Variants in TBC1D16 observed in about 807,000 individuals in gnomAD.
TBC1D16 encodes the protein CTD-2529O21.1.
In TBC1D16, 58 loss-of-function variants were observed where a neutral mutation model predicts 74.7. That is an observed-to-expected ratio of 0.78 (90% CI 0.63 to 0.97). The LOEUF (loss-of-function observed/expected upper bound fraction) is 0.97, where lower values mean the gene tolerates loss of function less well. Ranked by LOEUF, TBC1D16 falls within the 50% of genes least tolerant of loss-of-function variation. TBC1D16 has a pLI of 0.00. For synonymous variants in TBC1D16, 493 were observed against 474.7 expected (o/e 1.04, Z -0.50); for missense variants, 1,014 against 1,079.5 (o/e 0.94, Z 0.85).
chr17:79,950,810 C>A lies in TBC1D16; in HGVS notation c.1090-232G>T. 2.6e-6 allele frequency: 4 copies of A among 1,535,420 alleles called. No homozygotes were observed. The highest frequency in any genetic ancestry group is 3.5e-6 in the Non-Finnish European group (4 of 1,146,460). ...GCTCTCTCCTCCCCGGCCCACTGTG[C>A]CGCCGCCCCCCACTCTCTCCAACCC... On this transcript the variant is annotated intron_variant, in intron 5 of 11. Coordinates refer to ENST00000310924, the MANE Select transcript of TBC1D16 (RefSeq NM_019020.4). This position sits in a 1 kb window ranked among gnomAD's most constrained non-coding sequence, Gnocchi z 4.6.
In TBC1D16 at chr17:80,001,774, C is replaced by T. The variant is rs2035494347; in HGVS notation, c.779+8386G>A. On this transcript the variant is annotated intron_variant, in intron 3 of 11. Coordinates refer to ENST00000310924, the MANE Select transcript of TBC1D16 (RefSeq NM_019020.4). This position sits in a 1 kb window ranked among gnomAD's most constrained non-coding sequence, Gnocchi z 5.8. ...TGGCCCCTAAGACACGCACGGCCCA[C>T]CCTCCCCACTCACCCCTTGCCCCCT... 6.6e-6 allele frequency among the ~76,000 whole-genome samples: 1 copy of T among 151,354 alleles called. No individual in the cohort carries two copies. The highest frequency in any genetic ancestry group is 2.1e-4 in the South Asian group (1 of 4,808).
intron 3 of TBC1D16, among the ~76,000 whole-genome samples, chr17:79,996,938 G>A (rs2035294035): frequency 6.6e-6 from 1 of 152,170 alleles, no homozygotes; most frequent in South Asian, 2.1e-4. Flanking sequence ...ACCGTGGGGT[G>A]CTGCTACTCA....
chr17:79,946,841 G>C (rs2032584256), intron 9 of TBC1D16, among the ~76,000 whole-genome samples: 1 of 152,232 alleles, frequency 6.6e-6, no homozygotes. Context: ...TGTCCCCGGT[G>C]CAGGAGCCCT....
At position 79,940,154 on chromosome 17, in the gene TBC1D16, A is replaced by G. The variant is rs571785968; in HGVS notation, c.*705T>C. The G allele has an allele frequency of 2.0e-5, 3 of 152,308 alleles. No individual in the cohort carries two copies. Among genetic ancestry groups the G allele is most frequent in the Admixed American group, 2.0e-4 (3 of 15,310 alleles). The allele number at this position is 152,308 out of a possible 1,614,324, so 9.4% of individuals were successfully genotyped here. ...CAGCCTGAGGCTCAGGCTCCTGGGC[A>G]GACAGTTCCCTTCGTGTACCAGGAG... On this transcript the variant is annotated 3_prime_UTR_variant, in exon 12 of 12. Coordinates refer to ENST00000310924, the MANE Select transcript of TBC1D16 (RefSeq NM_019020.4). This position sits in a 1 kb window ranked among gnomAD's most constrained non-coding sequence, Gnocchi z 5.4.
intron 1 of TBC1D16, among the ~76,000 whole-genome samples, chr17:80,023,723 C>A (rs937842528): frequency 4.7e-5 from 7 of 149,812 alleles, no homozygotes; most frequent in Admixed American, 4.6e-4. Context: ...CCTGGCCCCG[C>A]TGTGGGCTTC....
chr17:80,034,135 T>G (rs149251809), intron 1 of TBC1D16, among the ~76,000 whole-genome samples: 36 of 152,174 alleles, frequency 2.4e-4, no homozygotes, highest in African/African-American at 8.7e-4. Flanking sequence ...AATTAGGAAC[T>G]ACTAACGCAA....
At chr17:80,031,915 A>G (rs2036789290) in intron 1 of TBC1D16, among the ~76,000 whole-genome samples, 2 of 152,350 alleles carry the variant, frequency 1.3e-5, no homozygotes, top group Middle Eastern at 3.4e-3. Flanking sequence ...CAGTGAATGC[A>G]CCGCAAAACA....
Position 80,010,487 on chromosome 17 carries a change from C to T in TBC1D16, c.452G>A (p.Arg151His), listed in dbSNP as rs151272383. 819 of 1,610,088 alleles carry T rather than the reference C, an allele frequency of 5.1e-4. No homozygotes were observed. The highest frequency in any genetic ancestry group is 6.8e-4 in the Non-Finnish European group (797 of 1,178,470). Residue 151 changes from arginine (R) to histidine (H), a missense_variant, in exon 3 of 12, where the codon CGC (arginine) becomes CAC (histidine). Transcript: ENST00000310924. The surrounding 1 kb of genome is among the most constrained non-coding windows in gnomAD (Gnocchi z 8.8). ...ILVVAQSVPD[R>H]MLASPAPEDE... is the part of the protein sequence containing the mutation. ...CTCTGGCGCAGGGCTGGCGAGCATG[C>T]GGTCTGGAACACTCTGGGCCACCAC... is the stretch of plus-strand genomic sequence containing the variant.
At chr17:80,023,665 C>T (rs151096975) in intron 1 of TBC1D16, among the ~76,000 whole-genome samples, 1 of 142,754 alleles carries the variant, frequency 7.0e-6, no homozygotes, top group Non-Finnish European at 1.5e-5. Flanking sequence ...GGGCCCCCCC[C>T]CACCGGCTCA....
At chr17:79,953,915 C>T (rs991743938) in intron 3 of TBC1D16, among the ~76,000 whole-genome samples, 11 of 152,066 alleles carry the variant, frequency 7.2e-5, no homozygotes, top group Admixed American at 3.9e-4. Flanking sequence ...AGATTACAGA[C>T]GTCCACCACC....
Position 80,009,385 on chromosome 17 carries a change from C to T in TBC1D16, c.779+775G>A, listed in dbSNP as rs1252902193. 6.6e-6 allele frequency among the ~76,000 whole-genome samples: 1 copy of T among 152,222 alleles called. No individual in the cohort carries two copies. Among genetic ancestry groups the T allele is most frequent in the Non-Finnish European group, 1.5e-5 (1 of 68,032 alleles). On this transcript the variant is annotated intron_variant, in intron 3 of 11. Transcript: ENST00000310924. This position sits in a 1 kb window ranked among gnomAD's most constrained non-coding sequence, Gnocchi z 5.4. ...GCTTATGCGACCACACGGGCACTCA[C>T]CCCAAGGCCATGAGGGCCCTCGTGG... is the stretch of plus-strand genomic sequence containing the variant.
intron 3 of TBC1D16, among the ~76,000 whole-genome samples, chr17:79,959,149 C>CA (rs990408561): frequency 1.3e-5 from 2 of 151,962 alleles, no homozygotes; most frequent in Non-Finnish European, 2.9e-5. Flanking sequence ...TTTATAGTAG[C>CA]AAAAAAATCC....
At chr17:79,974,992 C>T (rs935200) in intron 3 of TBC1D16, among the ~76,000 whole-genome samples, 59,891 of 152,030 alleles carry the variant, frequency 0.39, 12,042 homozygotes, top group Admixed American at 0.52. Context: ...GGGCCACCCC[C>T]GCAGCCACTG....
chr17:79,949,239 C>T (rs895020357), intron 7 of TBC1D16, among the ~76,000 whole-genome samples: 5 of 152,256 alleles, frequency 3.3e-5, no homozygotes, highest in African/African-American at 1.2e-4. Flanking sequence ...GGAAGGAGAG[C>T]AAGTTGCAGC....
chr17:79,948,132 GAA>G (rs2032716231), intron 8 of TBC1D16, among the ~76,000 whole-genome samples: 1 of 152,188 alleles, frequency 6.6e-6, no homozygotes, highest in Non-Finnish European at 1.5e-5. Context: ...CCAACATGGT[GAA>G]ACCCTGTCTC....
chr17:79,971,636 C>T lies in TBC1D16; in HGVS notation c.780-18818G>A, dbSNP rs74000312. On this transcript the variant is annotated intron_variant, in intron 3 of 11. Transcript: ENST00000310924. The surrounding 1 kb of genome is among the most constrained non-coding windows in gnomAD (Gnocchi z 4.6). ...GTCTTTAACGTATTCTTCAACTTGA[C>T]TCATAAAAGTAGAGTCAATCACTCT... Among the ~76,000 whole-genome samples, 9,728 of 152,242 alleles carry T rather than the reference C, an allele frequency of 0.064. 354 individuals are homozygous for T. Among genetic ancestry groups the T allele is most frequent in the South Asian group, 0.11 (527 of 4,826 alleles).
At chr17:80,025,378 C>G (rs1377768042) in intron 1 of TBC1D16, among the ~76,000 whole-genome samples, 1 of 150,092 alleles carries the variant, frequency 6.7e-6, no homozygotes, top group Non-Finnish European at 1.5e-5. Flanking sequence ...ACCCAGCCCC[C>G]ATGCTGGTCT....
intron 9 of TBC1D16, among the ~76,000 whole-genome samples, chr17:79,945,665 G>A (rs548301786): frequency 3.5e-4 from 54 of 152,336 alleles, no homozygotes; most frequent in African/African-American, 1.2e-3. Flanking sequence ...CATCAATGCC[G>A]CTGGAAAATC....
Position 79,933,855 on chromosome 17 carries a change from G to GGT in TBC1D16, c.*7002_*7003dup, listed in dbSNP as rs1390941312. On this transcript the variant is annotated 3_prime_UTR_variant, in exon 12 of 12. Coordinates refer to ENST00000310924, the MANE Select transcript of TBC1D16 (RefSeq NM_019020.4). ...CCTTGCTTCCCTAGAGCGAGCCCACGGTACCATAGTCCTCGTGGGATGAAT... is the reference window on the plus strand; with the variant it reads ...CCTTGCTTCCCTAGAGCGAGCCCACGGTGTACCATAGTCCTCGTGGGATGAAT... 3.9e-5 allele frequency: 6 copies of GGT among 152,240 alleles called. No homozygotes were observed. Among genetic ancestry groups the GGT allele is most frequent in the Non-Finnish European group, 7.3e-5 (5 of 68,060 alleles). 9.4% of individuals were successfully genotyped at this position (152,240 alleles called of 1,614,324 possible). A position where few individuals can be genotyped will look rare whatever the true frequency, so the allele number is the denominator to read the frequency against.
Sources: allele counts gnomAD v4.1 joint callset (sites outside exome capture counted in the v4.1 genomes callset), GRCh38; gene constraint gnomAD v4.1.1; non-coding constraint Gnocchi (gnomAD v3.1); transcripts MANE v1.5; gene names NCBI Gene and HGNC (gene_info 2026-07-23, HGNC 2026-07-21).